Variants in DLC1 observed in about 807,000 individuals in gnomAD.
The protein encoded by DLC1 is rho GTPase-activating protein 7.
Under a neutral mutation model 140.3 loss-of-function variants are expected in DLC1, and 54 were observed. That is an observed-to-expected ratio of 0.38 (90% confidence interval 0.31 to 0.48). DLC1 has a LOEUF of 0.48. DLC1 is among the 20% of genes least tolerant of loss of function. The probability of loss-of-function intolerance (pLI) is 0.96; values close to 1 mark genes in which losing one functional copy is unlikely to be tolerated. For synonymous variants in DLC1, 986 were observed against 728.1 expected (o/e 1.35, Z -5.70); for missense variants, 2,536 against 1,907.0 (o/e 1.33, Z -6.14).
intron 5 of DLC1, among the ~76,000 whole-genome samples, chr8:13,212,742 A>G (rs1828006650): frequency 6.6e-6 from 1 of 152,142 alleles, no homozygotes; most frequent in African/African-American, 2.4e-5. Flanking sequence ...AACTTCAAAC[A>G]TGCCTTTAAT....
In DLC1 at chr8:13,088,649, A is replaced by G. The variant is rs768361039; in HGVS notation, c.4130T>C (p.Val1377Ala). Residue 1377 changes from valine (V) to alanine (A), a missense_variant, in exon 16 of 18, where the codon GTG becomes GCG. Val to Ala is a moderately conservative substitution (Grantham distance 64, BLOSUM62 0). Transcript: ENST00000276297. ...LWRSVIEVPA[V>A]PEEILKRLLK... is the part of the protein sequence containing the mutation. ...TAGGCGCTTTAAGATTTCCTCTGGCACAGCAGGGACTTCAATGACTGACCT... is the reference window on the plus strand; with the variant it reads ...TAGGCGCTTTAAGATTTCCTCTGGCGCAGCAGGGACTTCAATGACTGACCT... 1 of 1,614,038 alleles carries G rather than the reference A, an allele frequency of 6.2e-7. No homozygotes were observed. The highest frequency in any genetic ancestry group is 2.2e-5 in the East Asian group (1 of 44,890).
At chr8:13,214,687 G>T (rs1254466966) in intron 5 of DLC1, 1 of 780,596 alleles carries the variant, frequency 1.3e-6, no homozygotes, top group Non-Finnish European at 2.4e-6. Context: ...GGTGTAAGGA[G>T]ACAAACCAAT....
chr8:13,244,501 G>A (rs1162090720), intron 5 of DLC1, among the ~76,000 whole-genome samples: 2 of 151,838 alleles, frequency 1.3e-5, no homozygotes, highest in African/African-American at 4.8e-5. Flanking sequence ...GTCTTGTTAT[G>A]TTGCACGGGC....
chr8:13,300,032 C>G (rs367866380), intron 5 of DLC1, among the ~76,000 whole-genome samples: 101 of 152,204 alleles, frequency 6.6e-4, no homozygotes, highest in Middle Eastern at 3.4e-3. Flanking sequence ...GGAATCAACC[C>G]AAATGCCCAT....
At chr8:13,376,016 A>C (rs960208553) in intron 4 of DLC1, among the ~76,000 whole-genome samples, 3 of 152,150 alleles carry the variant, frequency 2.0e-5, no homozygotes, top group African/African-American at 7.2e-5. Context: ...GCACGAACCG[A>C]AAAGAGTTTA....
intron 5 of DLC1, among the ~76,000 whole-genome samples, chr8:13,158,981 A>G (rs914108195): frequency 7.2e-5 from 11 of 152,064 alleles, no homozygotes; most frequent in Non-Finnish European, 1.6e-4. Context: ...CACTCTGGGA[A>G]CCAGCGCTGT....
At chr8:13,545,683 G>T (rs1229217427) in intron 1 of DLC1, among the ~76,000 whole-genome samples, 1 of 151,964 alleles carries the variant, frequency 6.6e-6, no homozygotes, top group African/African-American at 2.4e-5. Context: ...TATTGAATTT[G>T]GAATCTGAAT....
chr8:13,088,179 A>G (rs1207238649), intron 16 of DLC1, among the ~76,000 whole-genome samples: 2 of 151,980 alleles, frequency 1.3e-5, no homozygotes, highest in African/African-American at 2.4e-5. Flanking sequence ...CTCCTGGCTC[A>G]AGGGATCCTC....
At chr8:13,238,450 C>A (rs1239024440) in intron 5 of DLC1, among the ~76,000 whole-genome samples, 1 of 151,772 alleles carries the variant, frequency 6.6e-6, no homozygotes, top group Non-Finnish European at 1.5e-5. Context: ...GAGGTGGAGG[C>A]TGCAGTGAGC....
At chr8:13,545,822 A>G (rs1803632519) in intron 1 of DLC1, among the ~76,000 whole-genome samples, 1 of 152,172 alleles carries the variant, frequency 6.6e-6, no homozygotes, top group South Asian at 2.1e-4. Flanking sequence ...TTATATCATT[A>G]TGGATAGCAA....
intron 5 of DLC1, among the ~76,000 whole-genome samples, chr8:13,157,864 T>G (rs560599522): frequency 5.3e-4 from 80 of 152,354 alleles, no homozygotes; most frequent in African/African-American, 1.8e-3. Flanking sequence ...CAATTTCTAT[T>G]TACCACACAA....
intron 2 of DLC1, among the ~76,000 whole-genome samples, chr8:13,487,051 C>T (rs1421579288): frequency 5.9e-5 from 9 of 152,156 alleles, no homozygotes; most frequent in East Asian, 1.9e-4. Context: ...AAGTCTGCTG[C>T]GGTTTCCTTT....
At chr8:13,231,856 T>C (rs1829059553) in intron 5 of DLC1, among the ~76,000 whole-genome samples, 1 of 152,248 alleles carries the variant, frequency 6.6e-6, no homozygotes, top group African/African-American at 2.4e-5. Context: ...GTTTCTTGTA[T>C]GTAGATATGC....
Position 13,378,757 on chromosome 8 carries a change from C to G in DLC1, c.1314+14796G>C, listed in dbSNP as rs373571124. ...CCGTTATGTGCCTAACTTATTAAAA[C>G]TTTGATTTAATTTAGTTCTAGAGAT... On this transcript the variant is annotated intron_variant, in intron 4 of 17. Coordinates refer to ENST00000276297, the MANE Select transcript of DLC1 (RefSeq NM_182643.3). Among the ~76,000 whole-genome samples, 8 of 152,162 alleles carry G rather than the reference C, an allele frequency of 5.3e-5. No homozygotes were observed. In the South Asian group the frequency reaches 1.7e-3, roughly 32 times the overall value.
At chr8:13,311,046 G>C (rs1467150566) in intron 4 of DLC1, among the ~76,000 whole-genome samples, 1 of 151,886 alleles carries the variant, frequency 6.6e-6, no homozygotes, top group Admixed American at 6.6e-5. Context: ...TGATTTGTGG[G>C]TTGTATTACT....
intron 2 of DLC1, among the ~76,000 whole-genome samples, chr8:13,479,802 A>AAAG (rs60625191): frequency 0.02 from 1,145 of 56,892 alleles, 35 homozygotes; most frequent in African/African-American, 0.039. Context: ...GAAAGAAAGA[A>AAAG]AAGAAGAAGA....
intron 5 of DLC1, among the ~76,000 whole-genome samples, chr8:13,225,868 GC>G (rs1367974685): frequency 6.6e-6 from 1 of 152,040 alleles, no homozygotes; most frequent in Non-Finnish European, 1.5e-5. Context: ...GCCTGCCTTG[GC>G]CTCCGACTGT....
chr8:13,522,149 G>A (rs1326373786), intron 1 of DLC1, among the ~76,000 whole-genome samples: 2 of 152,158 alleles, frequency 1.3e-5, no homozygotes, highest in Non-Finnish European at 1.5e-5. Flanking sequence ...TCCTGGTACT[G>A]CGCAGTGGGG....
rs1563454121 is a variant in DLC1 at position 13,579,363 on chromosome 8, TTTTATA to T, written c.-126+25168_-126+25173del. Reference sequence around the variant, plus strand: ...TATATATATATATATATATATATATTTTTATATAATACATATTTATATATTATATAT... The same window carrying T: ...TATATATATATATATATATATATATTTAATACATATTTATATATTATATAT... On this transcript the variant is annotated intron_variant, in intron 1 of 1. Coordinates refer to the DLC1 transcript ENST00000631382. Among the ~76,000 whole-genome samples the T allele has an allele frequency of 5.8e-4, 22 of 38,186 alleles. 2 individuals are homozygous for T. Among genetic ancestry groups the T allele is most frequent in the Non-Finnish European group, 7.6e-4 (18 of 23,828 alleles). 25.1% of individuals were successfully genotyped at this position (38,186 alleles called of 152,430 possible). A position where few individuals can be genotyped will look rare whatever the true frequency, so the allele number is the denominator to read the frequency against.
Sources: gnomAD v4.1 joint callset for allele counts (sites outside exome capture counted in the v4.1 genomes callset) on GRCh38, gnomAD v4.1.1 for gene constraint, MANE v1.5 for transcripts, NCBI Gene and HGNC (gene_info 2026-07-23, HGNC 2026-07-21) for gene names.